Variants in STPG1 observed in about 807,000 individuals in gnomAD.
STPG1 encodes the protein O(6)-methylguanine-induced apoptosis 2.
A neutral mutation model predicts 40.1 loss-of-function variants in STPG1; 33 were observed. That is an observed-to-expected ratio of 0.82 (90% CI 0.62 to 1.10). STPG1 has a LOEUF of 1.10. STPG1 is among the 50% of genes least tolerant of loss of function. STPG1 has a pLI of 0.00. For missense variants in STPG1, 396 were observed against 415.1 expected, an observed-to-expected ratio of 0.95 and a Z score of 0.40; for synonymous variants, 150 against 155.0, an observed-to-expected ratio of 0.97 and a Z score of 0.24.
intron 1 of STPG1, among the ~76,000 whole-genome samples, chr1:24,403,874 T>C (rs1590446): frequency 0.23 from 35,663 of 152,006 alleles, 4,673 homozygotes; most frequent in East Asian, 0.46. Context: ...TCTACATATA[T>C]AATCATGTTG....
intron 5 of STPG1, 187 bp downstream of exon 5, chr1:24,379,466 G>A (rs1246678931): frequency 3.3e-6 from 2 of 611,646 alleles, no homozygotes; most frequent in Non-Finnish European, 5.7e-6. Flanking sequence ...TGCCCATCCT[G>A]ATCTCTGGGG....
At chr1:24,382,916 A>C (rs202019821) in intron 4 of STPG1, among the ~76,000 whole-genome samples, 38 of 96,112 alleles carry the variant, frequency 4.0e-4, no homozygotes, top group South Asian at 9.0e-4. Context: ...CTTTCTTTTC[A>C]CTTTTTTTTT....
At chr1:24,365,807 G>A (rs1414396618) in intron 7 of STPG1, among the ~76,000 whole-genome samples, 2 of 152,218 alleles carry the variant, frequency 1.3e-5, no homozygotes, top group African/African-American at 4.8e-5. Flanking sequence ...TGGGAGTTAA[G>A]TGACCTCCCT....
intron 4 of STPG1, among the ~76,000 whole-genome samples, chr1:24,383,416 C>A (rs1642373256): frequency 6.6e-6 from 1 of 152,264 alleles, no homozygotes; most frequent in Non-Finnish European, 1.5e-5. Flanking sequence ...CAGCCCTCAA[C>A]AAAAATTAAG....
chr1:24,368,157 C>G (rs1192274930), intron 7 of STPG1, among the ~76,000 whole-genome samples: 1 of 152,192 alleles, frequency 6.6e-6, no homozygotes, highest in African/African-American at 2.4e-5. Flanking sequence ...CCTGCAGAGC[C>G]CTAGACCTGG....
intron 1 of STPG1, among the ~76,000 whole-genome samples, chr1:24,409,177 T>C (rs1390369413): frequency 6.6e-6 from 1 of 152,022 alleles, no homozygotes; most frequent in Non-Finnish European, 1.5e-5. Context: ...CTGGGAAACA[T>C]GGTGAAAGTC....
chr1:24,410,915 G>A (rs1353650522), intron 1 of STPG1: 1 of 152,214 alleles, frequency 6.6e-6, no homozygotes, highest in Non-Finnish European at 1.5e-5. Context: ...AGAGTATCCA[G>A]TCCTGGGTTC....
At chr1:24,398,900 T>C (rs1026753237) in intron 2 of STPG1, among the ~76,000 whole-genome samples, 2 of 152,090 alleles carry the variant, frequency 1.3e-5, no homozygotes, top group Admixed American at 6.5e-5. Context: ...AAGATGTAAA[T>C]TATCCTTAAA....
chr1:24,377,452 C>T (rs1040648788), intron 5 of STPG1, among the ~76,000 whole-genome samples: 3 of 152,068 alleles, frequency 2.0e-5, no homozygotes, highest in Non-Finnish European at 2.9e-5. Context: ...TGAAGGTCCT[C>T]GTGGGCTGGG....
chr1:24,382,485 A>G (rs1040942599), intron 4 of STPG1, among the ~76,000 whole-genome samples: 5 of 152,214 alleles, frequency 3.3e-5, no homozygotes, highest in Admixed American at 6.5e-5. Context: ...GACGTGCTTG[A>G]GGTCACGTCA....
chr1:24,357,405 ACC>A lies in STPG1; in HGVS notation c.*1136_*1137del, dbSNP rs1640796068. ...GGAAGCTGGAAGGTGGCGCTTCTCAACCTACACCTATCATTGGAATCACCTGG... is the reference window on the plus strand; with the variant it reads ...GGAAGCTGGAAGGTGGCGCTTCTCAATACACCTATCATTGGAATCACCTGG... On this transcript the variant is annotated 3_prime_UTR_variant, in exon 9 of 9. Transcript: ENST00000337248. 6.6e-5 allele frequency: 10 copies of A among 152,396 alleles called. No individual in the cohort carries two copies. Among genetic ancestry groups the A allele is most frequent in the Non-Finnish European group, 1.0e-4 (7 of 68,254 alleles). The allele number at this position is 152,396 out of a possible 1,614,324, so 9.4% of individuals were successfully genotyped here.
Position 24,358,640 on chromosome 1 carries a change from G to A in STPG1, c.929-21C>T, listed in dbSNP as rs377422598. 64 of 1,593,628 alleles carry A rather than the reference G, an allele frequency of 4.0e-5. No individual in the cohort carries two copies. In the Middle Eastern group the frequency reaches 6.6e-4, roughly 17 times the overall value. ...CGTAGCTGTGAGGGGACAGAGAGGC[G>A]GAGGCATTAAGAGAGAAAAGGCCCA... On this transcript the variant is annotated intron_variant, in intron 8 of 8. Coordinates refer to ENST00000337248, the MANE Select transcript of STPG1 (RefSeq NM_001199013.2).
intron 3 of STPG1, among the ~76,000 whole-genome samples, chr1:24,386,501 G>A (rs542960159): frequency 6.6e-6 from 1 of 152,316 alleles, no homozygotes; most frequent in Admixed American, 6.5e-5. Flanking sequence ...GGCCACGGTG[G>A]CAGTATTTAT....
In STPG1 at chr1:24,358,439, G is replaced by T; in HGVS notation, c.*104C>A. ...GAGTGGTAGAGCCACCCCCCAAGTTGTCAGCTGCCACACTCATGATCGGTC... is the reference window on the plus strand; with the variant it reads ...GAGTGGTAGAGCCACCCCCCAAGTTTTCAGCTGCCACACTCATGATCGGTC... On this transcript the variant is annotated 3_prime_UTR_variant, in exon 9 of 9. Coordinates refer to ENST00000337248, the MANE Select transcript of STPG1 (RefSeq NM_001199013.2). 1 of 985,584 alleles carries T rather than the reference G, an allele frequency of 1.0e-6. No individual in the cohort carries two copies. Among genetic ancestry groups the T allele is most frequent in the Non-Finnish European group, 1.6e-6 (1 of 607,582 alleles). The allele number at this position is 985,584 out of a possible 1,614,324, so 61.1% of individuals were successfully genotyped here.
rs184812036 is a variant in STPG1, at chr1:24,376,455, A to T, written c.463-2645T>A. On this transcript the variant is annotated intron_variant, in intron 5 of 8. Transcript: ENST00000337248. Reference sequence around the variant, plus strand: ...GTGTATTATTTTCAGGGTCATATTAAGACAATAATGAACAAAAAACATGCG... The same window carrying T: ...GTGTATTATTTTCAGGGTCATATTATGACAATAATGAACAAAAAACATGCG... Among the ~76,000 whole-genome samples, 374 of 152,348 alleles carry T rather than the reference A, an allele frequency of 2.5e-3. 1 individual carries two copies. The highest frequency in any genetic ancestry group is 4.5e-3 in the Non-Finnish European group (307 of 68,028).
chr1:24,368,144 C>G (rs1267985875), intron 7 of STPG1, among the ~76,000 whole-genome samples: 1 of 152,206 alleles, frequency 6.6e-6, no homozygotes, highest in Non-Finnish European at 1.5e-5. Context: ...TGTACAAGGC[C>G]AGCCTGCAGA....
intron 5 of STPG1, among the ~76,000 whole-genome samples, chr1:24,375,042 A>C (rs912417927): frequency 2.0e-5 from 3 of 152,214 alleles, no homozygotes; most frequent in Non-Finnish European, 4.4e-5. Flanking sequence ...TGGGGCACAC[A>C]AGAAAGTCGT....
At chr1:24,372,005 C>T (rs896087431) in intron 6 of STPG1, among the ~76,000 whole-genome samples, 24 of 152,308 alleles carry the variant, frequency 1.6e-4, no homozygotes, top group African/African-American at 5.8e-4. Context: ...TGGTGAAATC[C>T]TGTTTTTACT....
chr1:24,372,069 T>C (rs1641774296), intron 6 of STPG1, among the ~76,000 whole-genome samples: 3 of 152,176 alleles, frequency 2.0e-5, no homozygotes, highest in African/African-American at 7.2e-5. Flanking sequence ...TCCCAGCTAC[T>C]TGGGAGGCTG....
Sources: allele counts gnomAD v4.1 joint callset (sites outside exome capture counted in the v4.1 genomes callset), GRCh38; gene constraint gnomAD v4.1.1; transcripts MANE v1.5; gene names NCBI Gene and HGNC (gene_info 2026-07-23, HGNC 2026-07-21).